CSMD1: variants seen among roughly 807,000 people sequenced by gnomAD.
CSMD1 encodes CUB and Sushi multiple domains 1, also known as CUB and sushi domain-containing protein 1.
CSMD1 carries 213 observed loss-of-function variants against 417.5 expected under a neutral mutation model. The observed-to-expected ratio is 0.51, with a 90% CI of 0.46 to 0.57. The LOEUF (loss-of-function observed/expected upper bound fraction) is 0.57, where lower values mean the gene tolerates loss of function less well. Ranked by LOEUF, CSMD1 falls within the 20% of genes least tolerant of loss-of-function variation. The pLI is 0.00. For synonymous variants in CSMD1, 2,862 were observed against 1,736.8 expected (o/e 1.65, Z -16.11); for missense variants, 6,923 against 4,529.7 (o/e 1.53, Z -15.17).
At chr8:3,998,346 G>T (rs547930120) in intron 4 of CSMD1, among the ~76,000 whole-genome samples, 16 of 152,214 alleles carry the variant, frequency 1.1e-4, no homozygotes, top group Middle Eastern at 3.4e-3. Context: ...AGATGGAAAC[G>T]GTGGCTTTTC....
chr8:3,329,990 T>G (rs767749613), intron 23 of CSMD1, among the ~76,000 whole-genome samples: 1 of 152,194 alleles, frequency 6.6e-6, no homozygotes, highest in Non-Finnish European at 1.5e-5. Flanking sequence ...CACACAGTCA[T>G]GAGAAGAAAT....
intron 23 of CSMD1, among the ~76,000 whole-genome samples, chr8:3,312,503 G>C (rs147576266): frequency 2.2e-4 from 33 of 152,278 alleles, no homozygotes; most frequent in African/African-American, 7.7e-4. Flanking sequence ...CTAGAGATCA[G>C]TTTTCCAATT....
intron 3 of CSMD1, among the ~76,000 whole-genome samples, chr8:4,097,557 G>A (rs1710172494): frequency 6.6e-6 from 1 of 152,114 alleles, no homozygotes. Context: ...AAAGTCAGAG[G>A]ACTACTCAGT....
At chr8:4,966,921 G>C (rs1295868627) in intron 1 of CSMD1, among the ~76,000 whole-genome samples, 1 of 152,034 alleles carries the variant, frequency 6.6e-6, no homozygotes, top group Non-Finnish European at 1.5e-5. Flanking sequence ...CTGAAGCATT[G>C]GCAATCCAGT....
chr8:4,125,427 T>C (rs1457026703), intron 3 of CSMD1, among the ~76,000 whole-genome samples: 2 of 152,200 alleles, frequency 1.3e-5, no homozygotes, highest in South Asian at 2.1e-4. Context: ...TGCACATCTT[T>C]CATCTGTTGC....
At chr8:3,332,788 T>A (rs1248183417) in intron 23 of CSMD1, among the ~76,000 whole-genome samples, 2 of 152,234 alleles carry the variant, frequency 1.3e-5, no homozygotes, top group African/African-American at 2.4e-5. Context: ...GGGACCCTGA[T>A]GCCCTCACCT....
chr8:4,687,028 T>C (rs952230188), intron 1 of CSMD1, among the ~76,000 whole-genome samples: 1 of 152,112 alleles, frequency 6.6e-6, no homozygotes, highest in Admixed American at 6.5e-5. Context: ...GCCAGCGAAC[T>C]CCATGCACCC....
At chr8:3,359,408 A>T in intron 20 of CSMD1, 68 bp from the exon 21 acceptor site, 1 of 1,152,910 alleles carries the variant, frequency 8.7e-7, no homozygotes. Flanking sequence ...AAATAGCAAG[A>T]ATAAAAAGTG....
intron 4 of CSMD1, among the ~76,000 whole-genome samples, chr8:4,018,504 G>T (rs1796629680): frequency 6.6e-6 from 1 of 152,278 alleles, no homozygotes; most frequent in Admixed American, 6.5e-5. Context: ...AGGGGAGGCA[G>T]CCAAAGCCCA....
chr8:3,690,855 A>C (rs1800197879), intron 7 of CSMD1, among the ~76,000 whole-genome samples: 1 of 152,220 alleles, frequency 6.6e-6, no homozygotes. Flanking sequence ...AGGTGGTCTA[A>C]TTACCCAAAT....
At chr8:3,654,729 G>A (rs908302658) in intron 7 of CSMD1, among the ~76,000 whole-genome samples, 1 of 152,200 alleles carries the variant, frequency 6.6e-6, no homozygotes, top group African/African-American at 2.4e-5. Context: ...CATCTCTGCA[G>A]GTGATGAAGT....
At chr8:4,544,825 A>G (rs953096396) in intron 2 of CSMD1, among the ~76,000 whole-genome samples, 1 of 152,218 alleles carries the variant, frequency 6.6e-6, no homozygotes, top group Non-Finnish European at 1.5e-5. Flanking sequence ...TAACACATTA[A>G]TGCTTCACTG....
At chr8:4,071,413 G>C (rs1799551244) in intron 3 of CSMD1, among the ~76,000 whole-genome samples, 1 of 151,874 alleles carries the variant, frequency 6.6e-6, no homozygotes, top group African/African-American at 2.4e-5. Flanking sequence ...AAAAATTGTA[G>C]TTTAGATATT....
chr8:4,781,144 C>T (rs1240389785), intron 1 of CSMD1, among the ~76,000 whole-genome samples: 2 of 152,144 alleles, frequency 1.3e-5, no homozygotes, highest in East Asian at 1.9e-4. Context: ...ACCTGCAATC[C>T]CACATAGTGG....
intron 50 of CSMD1, 29 bp downstream of exon 50, chr8:3,052,433 A>G: frequency 1.3e-6 from 2 of 1,539,300 alleles, no homozygotes; most frequent in Non-Finnish European, 8.8e-7. Context: ...TAAACCCACA[A>G]AGATGGGCAG....
chr8:3,504,188 T>G (rs1187764338), intron 10 of CSMD1, among the ~76,000 whole-genome samples: 1 of 152,184 alleles, frequency 6.6e-6, no homozygotes, highest in African/African-American at 2.4e-5. Context: ...ATACCAGTAT[T>G]GAAACACTGC....
intron 5 of CSMD1, among the ~76,000 whole-genome samples, chr8:3,873,909 T>C (rs1805645104): frequency 6.6e-6 from 1 of 152,160 alleles, no homozygotes; most frequent in Non-Finnish European, 1.5e-5. Flanking sequence ...TCACTGATCT[T>C]GGAGACAACT....
chr8:4,140,581 C>T (rs34710972), intron 3 of CSMD1, among the ~76,000 whole-genome samples: 45,164 of 150,494 alleles, frequency 0.3, 8,485 homozygotes, highest in Non-Finnish European at 0.39. Flanking sequence ...GGTGGGAAGA[C>T]TGCTTGAACC....
intron 2 of CSMD1, among the ~76,000 whole-genome samples, chr8:4,516,994 A>C (rs919423818): frequency 2.0e-5 from 3 of 152,178 alleles, no homozygotes; most frequent in Non-Finnish European, 4.4e-5. Flanking sequence ...GAGCAGTGTT[A>C]ACGGACTATA....
Sources: allele counts gnomAD v4.1 joint callset (sites outside exome capture counted in the v4.1 genomes callset), GRCh38; gene constraint gnomAD v4.1.1; transcripts MANE v1.5; gene names NCBI Gene and HGNC (gene_info 2026-07-23, HGNC 2026-07-21).